The following CDYL2 variants were observed in gnomAD, a reference collection of about 807,000 sequenced individuals.
CDYL2 encodes the protein chromodomain Y like 2.
In CDYL2, 23 loss-of-function variants were observed where a neutral mutation model predicts 49.4. The ratio of observed to expected loss-of-function variants is 0.47; its 90% CI spans 0.34 to 0.66. The LOEUF is 0.66. Among genes scored for constraint, CDYL2 ranks in the 30% least tolerant of loss-of-function variants. The probability of loss-of-function intolerance (pLI) is 0.01; values close to 1 mark genes in which losing one functional copy is unlikely to be tolerated. For synonymous variants in CDYL2, 360 were observed against 268.8 expected (o/e 1.34, Z -3.32); for missense variants, 678 against 656.4 (o/e 1.03, Z -0.36).
chr16:80,676,494 T>C (rs1340739994), intron 2 of CDYL2, among the ~76,000 whole-genome samples: 1 of 152,154 alleles, frequency 6.6e-6, no homozygotes, highest in Non-Finnish European at 1.5e-5. Flanking sequence ...AGTCAGAGCC[T>C]TCCTGAACCA....
In CDYL2 at chr16:80,633,044, G is replaced by A. The variant is rs879080216; in HGVS notation, c.809C>T (p.Ser270Leu). ...FTHILLSSQT[S>L]DNNALTPEIM... ...CTCAGGTGTCAGGGCATTGTTATCCGAGGTCTGACTGGACAGCAGGATGTG... is the reference window on the plus strand; with the variant it reads ...CTCAGGTGTCAGGGCATTGTTATCCAAGGTCTGACTGGACAGCAGGATGTG... Residue 270 changes from serine (S) to leucine (L), a missense_variant, in exon 3 of 7, where the codon TCG (serine) becomes TTG (leucine). Ser to Leu is a moderately radical substitution (Grantham distance 145). This residue lies in a region of CDYL2 where 478 missense variants were observed against 427.0 expected (regional missense o/e 1.12). Coordinates refer to ENST00000570137, the MANE Select transcript of CDYL2 (RefSeq NM_152342.4). 9.3e-6 allele frequency: 15 copies of A among 1,613,990 alleles called. No homozygotes were observed. The highest frequency in any genetic ancestry group is 1.0e-5 in the Non-Finnish European group (12 of 1,179,998).
chr16:80,707,942 T>G (rs1904461690), intron 1 of CDYL2, among the ~76,000 whole-genome samples: 1 of 152,192 alleles, frequency 6.6e-6, no homozygotes, highest in Non-Finnish European at 1.5e-5. Flanking sequence ...GGTGTTGGGT[T>G]ACTAAGGGTA....
chr16:80,656,219 T>C lies in CDYL2; in HGVS notation c.617-22983A>G, dbSNP rs146551481. ...GCACACTCCAGGCACTTCTCCAATGTCAGCTGGAGGACACCAAGGCATTCA... is the reference window on the plus strand; with the variant it reads ...GCACACTCCAGGCACTTCTCCAATGCCAGCTGGAGGACACCAAGGCATTCA... On this transcript the variant is annotated intron_variant, in intron 2 of 6. Transcript: ENST00000570137. 2.1e-3 allele frequency among the ~76,000 whole-genome samples: 314 copies of C among 152,362 alleles called. 1 individual carries two copies. Among genetic ancestry groups the C allele is most frequent in the African/African-American group, 7.1e-3 (296 of 41,584 alleles).
chr16:80,729,571 G>A (rs376038902), intron 1 of CDYL2, among the ~76,000 whole-genome samples: 1 of 151,922 alleles, frequency 6.6e-6, no homozygotes, highest in East Asian at 1.9e-4. Flanking sequence ...GGATACCCAG[G>A]AATTGAACTC....
chr16:80,668,154 G>T (rs967532750), intron 2 of CDYL2, among the ~76,000 whole-genome samples: 1 of 152,206 alleles, frequency 6.6e-6, no homozygotes. Flanking sequence ...CCTGCACACC[G>T]TAAATCCCAA....
intron 1 of CDYL2, among the ~76,000 whole-genome samples, chr16:80,726,319 G>A (rs1237177470): frequency 6.6e-6 from 1 of 152,072 alleles, no homozygotes; most frequent in Non-Finnish European, 1.5e-5. Context: ...TGAAATGAAA[G>A]ACTTCATAAA....
At chr16:80,770,063 A>G (rs1906855741) in intron 1 of CDYL2, among the ~76,000 whole-genome samples, 1 of 152,218 alleles carries the variant, frequency 6.6e-6, no homozygotes, top group Non-Finnish European at 1.5e-5. Context: ...AGAAAACCGA[A>G]TGTGTTAATT....
At chr16:80,725,678 C>A (rs1402985662) in intron 1 of CDYL2, among the ~76,000 whole-genome samples, 3 of 152,204 alleles carry the variant, frequency 2.0e-5, no homozygotes, top group Admixed American at 2.0e-4. Flanking sequence ...GTACGACTGA[C>A]CTGAGAAACC....
chr16:80,682,070 A>T (rs1909988060), intron 2 of CDYL2, among the ~76,000 whole-genome samples: 1 of 152,198 alleles, frequency 6.6e-6, no homozygotes, highest in Non-Finnish European at 1.5e-5. Flanking sequence ...GCTCCACCCT[A>T]GACTTAGGAA....
At chr16:80,762,394 A>T (rs143509304) in intron 1 of CDYL2, among the ~76,000 whole-genome samples, 1 of 152,210 alleles carries the variant, frequency 6.6e-6, no homozygotes. Flanking sequence ...CCAAACGTGG[A>T]AAGAGCAGAA....
At chr16:80,681,692 C>T (rs1009123388) in intron 2 of CDYL2, among the ~76,000 whole-genome samples, 3 of 152,174 alleles carry the variant, frequency 2.0e-5, no homozygotes, top group Admixed American at 6.5e-5. Context: ...CCACAGAAGA[C>T]GTCATTGTGG....
chr16:80,771,109 T>C (rs1008502929), intron 1 of CDYL2, among the ~76,000 whole-genome samples: 10 of 152,246 alleles, frequency 6.6e-5, no homozygotes, highest in African/African-American at 2.2e-4. Context: ...AATCTCCATC[T>C]TTGTAAGTGG....
At chr16:80,635,913 A>G (rs1907801260) in intron 2 of CDYL2, among the ~76,000 whole-genome samples, 1 of 152,222 alleles carries the variant, frequency 6.6e-6, no homozygotes, top group African/African-American at 2.4e-5. Context: ...AACACCACTC[A>G]TCTACAACAA....
chr16:80,712,001 G>A (rs905680457), intron 1 of CDYL2, among the ~76,000 whole-genome samples: 2 of 150,600 alleles, frequency 1.3e-5, no homozygotes, highest in East Asian at 3.9e-4. Flanking sequence ...GTATATATAT[G>A]TGTGTATATA....
At chr16:80,606,620 G>A (rs140850126) in intron 6 of CDYL2, among the ~76,000 whole-genome samples, 5 of 152,292 alleles carry the variant, frequency 3.3e-5, no homozygotes, top group African/African-American at 1.2e-4. Flanking sequence ...ACCCCAGGGT[G>A]ATCAACCACC....
chr16:80,668,185 C>T (rs1161831817), intron 2 of CDYL2, among the ~76,000 whole-genome samples: 3 of 152,184 alleles, frequency 2.0e-5, no homozygotes, highest in South Asian at 2.1e-4. Context: ...ACAGGGAGGC[C>T]GTTCCACACG....
intron 1 of CDYL2, among the ~76,000 whole-genome samples, chr16:80,708,827 C>A (rs543152107): frequency 6.6e-6 from 1 of 151,750 alleles, no homozygotes; most frequent in Non-Finnish European, 1.5e-5. Flanking sequence ...TCCAAAGCAT[C>A]GAGATAGAGC....
At chr16:80,740,192 C>T (rs988003328) in intron 1 of CDYL2, among the ~76,000 whole-genome samples, 3 of 152,202 alleles carry the variant, frequency 2.0e-5, no homozygotes, top group African/African-American at 7.2e-5. Flanking sequence ...GGAATGAGCA[C>T]GTCCAGGAAG....
chr16:80,777,272 TATG>T (rs1385566079), intron 1 of CDYL2, among the ~76,000 whole-genome samples: 1 of 152,114 alleles, frequency 6.6e-6, no homozygotes, highest in Non-Finnish European at 1.5e-5. Context: ...GTACACTCAA[TATG>T]ATTATTAAAT....
Sources: gnomAD v4.1 joint callset for allele counts (sites outside exome capture counted in the v4.1 genomes callset) on GRCh38, gnomAD v4.1.1 for gene constraint, gnomAD v4.1.1 regional missense constraint, MANE v1.5 for transcripts, NCBI Gene and HGNC (gene_info 2026-07-23, HGNC 2026-07-21) for gene names.